The following FGF13 variants were observed in gnomAD, a reference collection of about 807,000 sequenced individuals.
FGF13 encodes the protein fibroblast growth factor homologous factor 2.
Under a neutral mutation model 19.5 loss-of-function variants are expected in FGF13, and 2 were observed. The observed-to-expected ratio is 0.10, with a 90% CI of 0.04 to 0.32. The LOEUF (loss-of-function observed/expected upper bound fraction) is 0.32. Among genes scored for constraint, FGF13 ranks in the 10% least tolerant of loss-of-function variants. The pLI is 1.00. For synonymous variants in FGF13, 72 were observed against 76.9 expected, an observed-to-expected ratio of 0.94 and a Z score of 0.33; for missense variants, 113 against 192.7, an observed-to-expected ratio of 0.59 and a Z score of 2.45.
At chrX:138,771,324 T>C (rs188446203) in intron 3 of FGF13, among the ~76,000 whole-genome samples, 5 of 111,737 alleles carry the variant, frequency 4.5e-5, no homozygotes, top group Non-Finnish European at 7.5e-5. Flanking sequence ...GTCTTACTGC[T>C]GTAACTCAAT....
upstream of FGF13, among the ~76,000 whole-genome samples, chrX:138,739,861 C>A (rs1190577323): frequency 1.8e-5 from 2 of 112,091 alleles, no homozygotes; most frequent in Non-Finnish European, 3.8e-5. Flanking sequence ...GAAATTCTAC[C>A]AGAACTTTTA....
At chrX:139,003,722 T>G (rs757995364) in intron 1 of FGF13, among the ~76,000 whole-genome samples, 2 of 111,573 alleles carry the variant, frequency 1.8e-5, no homozygotes, top group African/African-American at 6.5e-5. Flanking sequence ...CACAGGGTGC[T>G]GATTGGTGTG....
Position 139,110,334 on chromosome X carries a change from TTGTACTCCAATAATTCCCACG to T in FGF13, c.-113+93061_-113+93081del, listed in dbSNP as rs1184703513. 5.4e-5 allele frequency among the ~76,000 whole-genome samples: 6 copies of T among 110,343 alleles called. No individual in the cohort carries two copies. In the East Asian group the frequency reaches 1.1e-3, roughly 21 times the overall value. ...GTCCCCACCCAAATGTCATCTTGAA[TTGTACTCCAATAATTCCCACG>T]TGTACTCCAATAATTCCCACCGAGG... is the stretch of plus-strand genomic sequence containing the variant. On this transcript the variant is annotated intron_variant, in intron 1 of 2. Transcript: ENST00000421460.
intron 3 of FGF13, among the ~76,000 whole-genome samples, chrX:138,752,281 G>T (rs1279290482): frequency 2.7e-5 from 3 of 110,961 alleles, no homozygotes; most frequent in East Asian, 2.9e-4. Context: ...ACAAAAATTA[G>T]CTGAGCATGG....
intron 1 of FGF13, among the ~76,000 whole-genome samples, chrX:138,982,578 T>C (rs2091968304): frequency 8.9e-6 from 1 of 112,152 alleles, no homozygotes; most frequent in South Asian, 3.8e-4. Flanking sequence ...ATAGAGGAAG[T>C]TGCACAAGAA....
chrX:138,989,373 C>T (rs1163352425), intron 1 of FGF13, among the ~76,000 whole-genome samples: 1 of 111,649 alleles, frequency 9.0e-6, no homozygotes, highest in Non-Finnish European at 1.9e-5. Flanking sequence ...GCTGGTGAGG[C>T]CCATCTTGAA....
At chrX:138,800,386 A>G (rs189105035) in intron 3 of FGF13, among the ~76,000 whole-genome samples, 1 of 111,629 alleles carries the variant, frequency 9.0e-6, no homozygotes, top group Admixed American at 9.5e-5. Context: ...TTCTTTAACA[A>G]TGTTGAATAT....
At chrX:138,911,296 C>T (rs1400810268) in intron 1 of FGF13, among the ~76,000 whole-genome samples, 4 of 111,228 alleles carry the variant, frequency 3.6e-5, no homozygotes, top group Non-Finnish European at 7.5e-5. Flanking sequence ...AAGTCTATCT[C>T]ATCATGTCCT....
chrX:138,873,122 T>C (rs1602983452), intron 1 of FGF13, among the ~76,000 whole-genome samples: 1 of 111,884 alleles, frequency 8.9e-6, no homozygotes, highest in East Asian at 2.8e-4. Flanking sequence ...CTTCATAGTA[T>C]TGGAGAAGCC....
chrX:138,731,113 A>G (rs2090227072), intron 1 of FGF13, among the ~76,000 whole-genome samples: 1 of 111,733 alleles, frequency 8.9e-6, no homozygotes. Flanking sequence ...AGGTAAATCC[A>G]TAATCATAGT....
rs377365567 is a variant in FGF13 at position 139,069,525 on chromosome X, C to A, written c.-113+133891G>T. ...TATACCTAATGCTAGATGACGAGTT[C>A]GTGGGTGCAGCGCCCCAGCATGGCA... is the stretch of plus-strand genomic sequence containing the variant. On this transcript the variant is annotated intron_variant, in intron 1 of 2. Transcript: ENST00000421460. Among the ~76,000 whole-genome samples the A allele has an allele frequency of 7.8e-3, 725 of 93,299 alleles. 9 individuals are homozygous for A. The highest frequency in any genetic ancestry group is 0.026 in the African/African-American group (659 of 25,139). The allele number at this position is 93,299 out of a possible 115,157, so 81.0% of individuals were successfully genotyped here.
intron 1 of FGF13, among the ~76,000 whole-genome samples, chrX:138,965,119 G>A (rs184546706): frequency 6.8e-4 from 76 of 112,221 alleles, no homozygotes; most frequent in Non-Finnish European, 1.2e-3. Flanking sequence ...AAAGAATGAT[G>A]AAAGAACAAA....
Position 138,825,911 on chromosome X carries a change from G to A in FGF13, c.217+31601C>T, listed in dbSNP as rs1323967273. 3.6e-5 allele frequency among the ~76,000 whole-genome samples: 4 copies of A among 110,972 alleles called. 1 individual carries two copies. Among genetic ancestry groups the A allele is most frequent in the Non-Finnish European group, 3.8e-5 (2 of 52,988 alleles). On this transcript the variant is annotated intron_variant, in intron 3 of 6. Transcript: ENST00000436198. ...TGGCAGCAAAACTCACCCTAGGATG[G>A]TTAATTACATGGCTTCTTAAATAGG...
intron 1 of FGF13, among the ~76,000 whole-genome samples, chrX:139,116,762 G>A (rs2083642561): frequency 9.0e-6 from 1 of 110,700 alleles, no homozygotes; most frequent in Admixed American, 9.7e-5. Flanking sequence ...GAATATTAGT[G>A]AGGGAAGGAA....
chrX:138,845,445 A>G (rs1441201623), intron 3 of FGF13, among the ~76,000 whole-genome samples: 2 of 112,153 alleles, frequency 1.8e-5, no homozygotes, highest in African/African-American at 6.5e-5. Flanking sequence ...TGTTAGATAA[A>G]TAAGTTATTT....
Position 138,631,709 on chromosome X carries a change from A to ATTT in FGF13, c.*1138_*1140dup, listed in dbSNP as rs777289552. ...TGCTATGTCCACTTTTGGAACACAG[A>ATTT]TTTTTAACAATTATGAATGCACAAA... On this transcript the variant is annotated 3_prime_UTR_variant, in exon 5 of 5. Coordinates refer to ENST00000315930, the MANE Select transcript of FGF13 (RefSeq NM_004114.5). 8.9e-6 allele frequency: 1 copy of ATTT among 112,637 alleles called. No homozygotes were observed. The highest frequency in any genetic ancestry group is 3.2e-5 in the African/African-American group (1 of 30,935). 9.3% of individuals were successfully genotyped at this position (112,637 alleles called of 1,213,427 possible).
chrX:139,160,600 C>T (rs774631162), intron 1 of FGF13, among the ~76,000 whole-genome samples: 1 of 111,373 alleles, frequency 9.0e-6, no homozygotes, highest in East Asian at 2.8e-4. Context: ...GCTAGTCAGA[C>T]TGACGAATAA....
Position 138,983,647 on chromosome X carries a change from T to G in FGF13, c.-112-118997A>C, listed in dbSNP as rs1266887327. ...TTCCTTAGAAAATTAAAAATAGAAC[T>G]ACCATATGATCTAGCAATACCATTT... On this transcript the variant is annotated intron_variant, in intron 1 of 2. Coordinates refer to the FGF13 transcript ENST00000421460. 6.4e-5 allele frequency among the ~76,000 whole-genome samples: 7 copies of G among 109,765 alleles called. No homozygotes were observed. The Admixed American group carries it at 6.9e-4, about 11-fold the overall frequency.
intron 1 of FGF13, among the ~76,000 whole-genome samples, chrX:139,074,894 TACCCTTGTCTAAATA>T (rs2092387299): frequency 8.9e-6 from 1 of 111,880 alleles, no homozygotes; most frequent in Non-Finnish European, 1.9e-5. Context: ...TCCCTTCACA[TACCCTTGTCTAAATA>T]ACTCTTCATT....
Sources: gnomAD v4.1 joint callset for allele counts (sites outside exome capture counted in the v4.1 genomes callset) on GRCh38, gnomAD v4.1.1 for gene constraint, MANE v1.5 for transcripts, NCBI Gene and HGNC (gene_info 2026-07-23, HGNC 2026-07-21) for gene names.